SLC4A5: variants seen among roughly 807,000 people sequenced by gnomAD.
SLC4A5 encodes solute carrier family 4 member 5, also known as electrogenic sodium bicarbonate cotransporter 4.
A neutral mutation model predicts 120.4 loss-of-function variants in SLC4A5; 96 were observed. The observed-to-expected ratio is 0.80, with a 90% CI of 0.68 to 0.94. The LOEUF (loss-of-function observed/expected upper bound fraction) is 0.94. SLC4A5 is among the 40% of genes least tolerant of loss of function. The pLI is 0.00. For synonymous variants in SLC4A5, 550 were observed against 571.1 expected (o/e 0.96, Z 0.53); for missense variants, 1,259 against 1,459.5 (o/e 0.86, Z 2.24).
In SLC4A5 at chr2:74,244,575, T is replaced by C. The variant is rs145000396; in HGVS notation, c.2059+2461A>G. Among the ~76,000 whole-genome samples, 66 of 149,800 alleles carry C rather than the reference T, an allele frequency of 4.4e-4. No homozygotes were observed. The East Asian group carries it at 6.6e-3, about 15-fold the overall frequency. On this transcript the variant is annotated intron_variant, in intron 19 of 30. Transcript: ENST00000394019. ...CTTCTCTTCTCTCTTCTTCTTCTTC[T>C]TCCTCCTCCTCCTCCTCCTTGCTCT... is the stretch of plus-strand genomic sequence containing the variant.
chr2:74,252,953 A>G lies in SLC4A5; in HGVS notation c.1268+21T>C, dbSNP rs200535267. 5.1e-5 allele frequency: 82 copies of G among 1,613,722 alleles called. No individual in the cohort carries two copies. In the African/African-American group the frequency reaches 9.9e-4, roughly 19 times the overall value. On this transcript the variant is annotated intron_variant, in intron 15 of 30. Coordinates refer to ENST00000394019, the Ensembl canonical transcript of SLC4A5. ...GTTGAAGCCTCCTTTTTCTCTCCCT[A>G]CTGCCCATTCTCATACACACCTCTT...
intron 2 of SLC4A5, among the ~76,000 whole-genome samples, chr2:74,339,977 C>G (rs1331473208): frequency 6.6e-6 from 1 of 152,250 alleles, no homozygotes; most frequent in Admixed American, 6.5e-5. Context: ...ATAGAGGTAC[C>G]TAGAATTGTC....
rs773925677 is a variant in SLC4A5 at position 74,259,571 on chromosome 2, T to C, written c.867+17A>G. 82 of 1,613,856 alleles carry C rather than the reference T, an allele frequency of 5.1e-5. No homozygotes were observed. Among genetic ancestry groups the C allele is most frequent in the Non-Finnish European group, 6.9e-5 (81 of 1,179,828 alleles). On this transcript the variant is annotated intron_variant, in intron 12 of 30. Coordinates refer to ENST00000394019, the Ensembl canonical transcript of SLC4A5. The stretch of plus-strand genomic sequence containing the variant: ...GCCCTGGCCCTCCATTGCAGCTAAG[T>C]GCAGGGGTTTTACTACCTGGTCTGT...
At chr2:74,316,985 G>A (rs527357133) in intron 5 of SLC4A5, among the ~76,000 whole-genome samples, 1 of 152,332 alleles carries the variant, frequency 6.6e-6, no homozygotes, top group East Asian at 1.9e-4. Context: ...ATCCCAAGGT[G>A]AACATGGGCA....
At chr2:74,271,675 T>C (rs958952548) in intron 8 of SLC4A5, among the ~76,000 whole-genome samples, 32 of 151,792 alleles carry the variant, frequency 2.1e-4, no homozygotes, top group African/African-American at 4.1e-4. Flanking sequence ...CCCAGATCAA[T>C]TGCATTAAAT....
At chr2:74,264,010 G>A in intron 10 of SLC4A5, 137 bp downstream of exon 10, 1 of 1,163,676 alleles carries the variant, frequency 8.6e-7, no homozygotes, top group South Asian at 1.6e-5. Context: ...AGGCCTGCCA[G>A]AGAAGGAGGC....
intron 5 of SLC4A5, among the ~76,000 whole-genome samples, chr2:74,318,684 C>CAA (rs775042763): frequency 5.5e-5 from 5 of 90,094 alleles, no homozygotes; most frequent in Non-Finnish European, 1.2e-4. Flanking sequence ...CTCTGTCTCA[C>CAA]AAAAAAAAAA....
At chr2:74,328,321 G>T in intron 4 of SLC4A5, 135 bp from the exon 5 acceptor site, 1 of 292,970 alleles carries the variant, frequency 3.4e-6, no homozygotes, top group Non-Finnish European at 5.1e-6. Context: ...TGCAGGGTCA[G>T]GGATGGATGC....
Position 74,230,180 on chromosome 2 carries a change from G to C in SLC4A5, c.2847+1056C>G, listed in dbSNP as rs79973837. Among the ~76,000 whole-genome samples, 1,006 of 152,106 alleles carry C rather than the reference G, an allele frequency of 6.6e-3. 11 individuals are homozygous for C. The highest frequency in any genetic ancestry group is 0.023 in the African/African-American group (969 of 41,468). On this transcript the variant is annotated intron_variant, in intron 25 of 30. Transcript: ENST00000394019. The stretch of plus-strand genomic sequence containing the variant: ...ATATTCAAAGAGGAAAAATAATATC[G>C]GCAAAAGGTTGAGGCAATTACAGGT...
intron 17 of SLC4A5, 119 bp from the exon 18 acceptor site, chr2:74,248,605 GC>G (rs1390230082): frequency 8.3e-7 from 1 of 1,209,390 alleles, no homozygotes; most frequent in African/African-American, 1.5e-5. Flanking sequence ...TTCGTTCTGG[GC>G]CCTTTCCTCC....
At chr2:74,334,576 T>C (rs914538385) in intron 3 of SLC4A5, among the ~76,000 whole-genome samples, 7 of 152,232 alleles carry the variant, frequency 4.6e-5, no homozygotes, top group Non-Finnish European at 8.8e-5. Context: ...AACCACAGTA[T>C]GTGTTTATTC....
chr2:74,317,351 A>G (rs1672993464), intron 5 of SLC4A5, among the ~76,000 whole-genome samples: 2 of 140,934 alleles, frequency 1.4e-5, no homozygotes, highest in Admixed American at 6.7e-5. Context: ...AGGAACAGAT[A>G]GTTTTTTTTT....
chr2:74,287,342 G>C (rs1672016099), intron 7 of SLC4A5, among the ~76,000 whole-genome samples: 1 of 152,170 alleles, frequency 6.6e-6, no homozygotes, highest in Non-Finnish European at 1.5e-5. Flanking sequence ...GCAGCACGGA[G>C]TGGTAGTGTG....
At chr2:74,341,083 T>C (rs137857945) in intron 2 of SLC4A5, among the ~76,000 whole-genome samples, 4,988 of 152,134 alleles carry the variant, frequency 0.033, 118 homozygotes, top group Middle Eastern at 0.078. Context: ...GGTGGGTGGA[T>C]CGCCTGAGGT....
intron 7 of SLC4A5, among the ~76,000 whole-genome samples, chr2:74,299,912 A>G (rs1315974292): frequency 1.3e-5 from 2 of 152,242 alleles, no homozygotes; most frequent in Non-Finnish European, 2.9e-5. Context: ...AAAGATACCC[A>G]CGTGCCCATG....
intron 4 of SLC4A5, among the ~76,000 whole-genome samples, chr2:74,333,397 G>C (rs911221557): frequency 6.6e-6 from 1 of 152,118 alleles, no homozygotes; most frequent in African/African-American, 2.4e-5. Flanking sequence ...AAGATTCTTA[G>C]TACAGTTGGC....
chr2:74,244,238 G>T (rs1352862283), intron 19 of SLC4A5, among the ~76,000 whole-genome samples: 1 of 152,110 alleles, frequency 6.6e-6, no homozygotes, highest in Non-Finnish European at 1.5e-5. Flanking sequence ...GGGGTTTAGT[G>T]GTCAATAACG....
chr2:74,259,211 T>C (rs1671059628), intron 12 of SLC4A5, among the ~76,000 whole-genome samples: 1 of 152,196 alleles, frequency 6.6e-6, no homozygotes, highest in African/African-American at 2.4e-5. Context: ...GATTCTTTTC[T>C]GTCTCTCTGC....
chr2:74,232,061 G>A (rs1415749983), intron 24 of SLC4A5, among the ~76,000 whole-genome samples: 1 of 152,158 alleles, frequency 6.6e-6, no homozygotes, highest in Non-Finnish European at 1.5e-5. Flanking sequence ...GTGATCCCAG[G>A]ACAGCCTTCT....
Sources: gnomAD v4.1 joint callset for allele counts (sites outside exome capture counted in the v4.1 genomes callset) on GRCh38, gnomAD v4.1.1 for gene constraint, MANE v1.5 for transcripts, NCBI Gene and HGNC (gene_info 2026-07-23, HGNC 2026-07-21) for gene names.